CNTN5: variants seen among roughly 807,000 people sequenced by gnomAD.
CNTN5 encodes the protein contactin 5.
Under a neutral mutation model 129.1 loss-of-function variants are expected in CNTN5, and 77 were observed. The ratio of observed to expected loss-of-function variants is 0.60; its 90% CI spans 0.50 to 0.72. CNTN5 has a LOEUF of 0.72. Ranked by LOEUF, CNTN5 falls within the 30% of genes least tolerant of loss-of-function variation. CNTN5 has a pLI of 0.00. For synonymous variants in CNTN5, 509 were observed against 465.6 expected (o/e 1.09, Z -1.20); for missense variants, 1,478 against 1,328.8 (o/e 1.11, Z -1.75).
At chr11:99,028,141 T>C (rs1270028180) in intron 1 of CNTN5, among the ~76,000 whole-genome samples, 2 of 151,828 alleles carry the variant, frequency 1.3e-5, no homozygotes, top group East Asian at 1.9e-4. Context: ...TTATCTGAGA[T>C]TGAAGTTAAG....
intron 2 of CNTN5, among the ~76,000 whole-genome samples, chr11:99,547,711 T>C (rs541984314): frequency 6.6e-6 from 1 of 152,350 alleles, no homozygotes; most frequent in Admixed American, 6.5e-5. Context: ...TTAATTTATA[T>C]GCTACTATCT....
chr11:99,718,149 A>C (rs1276520484), intron 3 of CNTN5, among the ~76,000 whole-genome samples: 3 of 151,760 alleles, frequency 2.0e-5, no homozygotes, highest in African/African-American at 4.8e-5. Flanking sequence ...GGAATTATTT[A>C]TTTCTTTTTA....
chr11:99,303,721 G>T (rs1565476127), intron 1 of CNTN5, among the ~76,000 whole-genome samples: 1 of 151,874 alleles, frequency 6.6e-6, no homozygotes, highest in East Asian at 1.9e-4. Flanking sequence ...TCTCACTCTG[G>T]GGGTGAGCCA....
chr11:100,201,764 A>G lies in CNTN5; in HGVS notation c.1884+8101A>G, dbSNP rs1948784089. ...TAGTAGATACTGTGGTGTGTTGCCC[A>G]GGTTCTCCCTTCAAGACTGAACCAC... On this transcript the variant is annotated intron_variant, in intron 15 of 24. Coordinates refer to ENST00000524871, the MANE Select transcript of CNTN5 (RefSeq NM_014361.4). 2.6e-5 allele frequency among the ~76,000 whole-genome samples: 4 copies of G among 152,088 alleles called. No homozygotes were observed. In the South Asian group the frequency reaches 8.3e-4, roughly 32 times the overall value.
intron 1 of CNTN5, among the ~76,000 whole-genome samples, chr11:99,262,754 A>C (rs1304299942): frequency 6.6e-6 from 1 of 151,992 alleles, no homozygotes; most frequent in African/African-American, 2.4e-5. Context: ...CTCTTAATTA[A>C]AAACGTTAAA....
intron 3 of CNTN5, among the ~76,000 whole-genome samples, chr11:99,650,246 A>G (rs1438308807): frequency 6.6e-6 from 1 of 151,970 alleles, no homozygotes; most frequent in African/African-American, 2.4e-5. Flanking sequence ...ACTATCAAGT[A>G]GGCTACTCAT....
intron 2 of CNTN5, among the ~76,000 whole-genome samples, chr11:99,505,296 A>G (rs1043466252): frequency 2.6e-5 from 4 of 152,328 alleles, no homozygotes; most frequent in Non-Finnish European, 4.4e-5. Context: ...TAAATCTCTA[A>G]TGGTAGAAAT....
intron 3 of CNTN5, among the ~76,000 whole-genome samples, chr11:99,597,871 T>C (rs1455640166): frequency 6.6e-6 from 1 of 152,130 alleles, no homozygotes; most frequent in Non-Finnish European, 1.5e-5. Flanking sequence ...GCCATGGAAG[T>C]GGCAAGCTTA....
intron 8 of CNTN5, among the ~76,000 whole-genome samples, chr11:99,974,431 T>A (rs1040305183): frequency 6.6e-6 from 1 of 152,162 alleles, no homozygotes; most frequent in African/African-American, 2.4e-5. Flanking sequence ...CAGTGCTACA[T>A]TGGGATATTG....
At chr11:99,937,119 A>G (rs1227817792) in intron 7 of CNTN5, among the ~76,000 whole-genome samples, 1 of 152,228 alleles carries the variant, frequency 6.6e-6, no homozygotes, top group Non-Finnish European at 1.5e-5. Context: ...AAATTAATTT[A>G]GTTAAGATAG....
chr11:99,172,200 C>A (rs1008779806), intron 1 of CNTN5, among the ~76,000 whole-genome samples: 3 of 91,934 alleles, frequency 3.3e-5, no homozygotes, highest in African/African-American at 1.4e-4. Context: ...TCACTAAGAC[C>A]CAGTTTCTTT....
chr11:99,684,856 T>C (rs981627039), intron 3 of CNTN5, among the ~76,000 whole-genome samples: 25 of 151,826 alleles, frequency 1.6e-4, no homozygotes, highest in Admixed American at 7.9e-4. Context: ...TTTTTTTCCA[T>C]TGGTGATTCT....
At chr11:99,635,835 T>G (rs2135819369) in intron 3 of CNTN5, among the ~76,000 whole-genome samples, 1 of 152,244 alleles carries the variant, frequency 6.6e-6, no homozygotes, top group South Asian at 2.1e-4. Context: ...TTCAGTTTAT[T>G]ACAGTCACTT....
chr11:100,304,701 C>A (rs1383042375), intron 20 of CNTN5, among the ~76,000 whole-genome samples: 3 of 151,378 alleles, frequency 2.0e-5, no homozygotes, highest in African/African-American at 4.8e-5. Flanking sequence ...TAGACATAGG[C>A]ACAGAAGCAG....
chr11:99,614,840 C>T (rs1289918317), intron 3 of CNTN5, among the ~76,000 whole-genome samples: 1 of 151,960 alleles, frequency 6.6e-6, no homozygotes, highest in Non-Finnish European at 1.5e-5. Flanking sequence ...CAAAGCACAA[C>T]CTATAAAGAA....
At chr11:99,294,446 A>G (rs1280276235) in intron 1 of CNTN5, among the ~76,000 whole-genome samples, 6 of 152,224 alleles carry the variant, frequency 3.9e-5, no homozygotes, top group Admixed American at 2.6e-4. Context: ...TTACCTAGGA[A>G]TAAATTAAAC....
At chr11:99,844,754 A>G (rs1262229987) in intron 4 of CNTN5, 98 bp from the exon 5 acceptor site, 6 of 1,195,806 alleles carry the variant, frequency 5.0e-6, no homozygotes, top group Middle Eastern at 2.0e-4. Context: ...ACAAGAAAAG[A>G]GCAAGAATTT....
intron 3 of CNTN5, among the ~76,000 whole-genome samples, chr11:99,582,131 T>TTTAGATTTTC (rs1315534286): frequency 6.6e-6 from 1 of 152,166 alleles, no homozygotes; most frequent in African/African-American, 2.4e-5. Context: ...AATTCTTTTC[T>TTTAGATTTTC]TTAAGAATGT....
At chr11:99,184,627 G>A (rs1368189161) in intron 1 of CNTN5, among the ~76,000 whole-genome samples, 1 of 152,024 alleles carries the variant, frequency 6.6e-6, no homozygotes, top group Non-Finnish European at 1.5e-5. Context: ...CTTAATAAGT[G>A]TCATATCATA....
Sources: allele counts gnomAD v4.1 joint callset (sites outside exome capture counted in the v4.1 genomes callset), GRCh38; gene constraint gnomAD v4.1.1; transcripts MANE v1.5; gene names NCBI Gene and HGNC (gene_info 2026-07-23, HGNC 2026-07-21).